Variants in CHD1 observed in about 807,000 individuals in gnomAD.
The protein encoded by CHD1 is chromodomain helicase DNA binding protein 1, also known as ATP-dependent chromatin remodeler CHD1.
CHD1 carries 36 observed loss-of-function variants against 224.2 expected under a neutral mutation model. The ratio of observed to expected loss-of-function variants is 0.16; its 90% CI spans 0.12 to 0.21. CHD1 has a LOEUF of 0.21. CHD1 is among the 10% of genes least tolerant of loss of function. CHD1 has a pLI of 1.00. For synonymous variants in CHD1, 668 were observed against 658.3 expected (o/e 1.01, Z -0.23); for missense variants, 1,378 against 1,994.8 (o/e 0.69, Z 5.89).
intron 2 of CHD1, among the ~76,000 whole-genome samples, chr5:98,912,849 T>C (rs11741156): frequency 2.6e-5 from 4 of 152,208 alleles, no homozygotes; most frequent in Non-Finnish European, 5.9e-5. Flanking sequence ...ATATAACATA[T>C]ACATTTATTT....
intron 32 of CHD1, among the ~76,000 whole-genome samples, chr5:98,861,246 A>G (rs1232917234): frequency 2.0e-5 from 3 of 152,228 alleles, no homozygotes; most frequent in African/African-American, 7.2e-5. Flanking sequence ...GTAAAATGGA[A>G]TAGTAAATAT....
Position 98,854,932 on chromosome 5 carries a change from GAATA to G in CHD1, c.*1444_*1447del, listed in dbSNP as rs1747910330. ...AATATAAAACAAAATAAAAATCTGT[GAATA>G]AATATAAAGCATCCCATAATAATAT... On this transcript the variant is annotated 3_prime_UTR_variant, in exon 36 of 36. Transcript: ENST00000614616. 3 of 152,166 alleles carry G rather than the reference GAATA, an allele frequency of 2.0e-5. No homozygotes were observed. The highest frequency in any genetic ancestry group is 4.1e-4 in the South Asian group (2 of 4,830). The allele number at this position is 152,166 out of a possible 1,614,324, so 9.4% of individuals were successfully genotyped here.
chr5:98,896,499 C>G, intron 11 of CHD1, 57 bp from the exon 12 acceptor site: 1 of 1,160,972 alleles, frequency 8.6e-7, no homozygotes. Flanking sequence ...ACAAAGAAAC[C>G]TTTTTACATC....
chr5:98,878,819 T>C (rs962164487), intron 23 of CHD1, among the ~76,000 whole-genome samples: 1 of 152,072 alleles, frequency 6.6e-6, no homozygotes, highest in Non-Finnish European at 1.5e-5. Flanking sequence ...TTAAGGAAAA[T>C]ATAAAAATAG....
chr5:98,915,918 C>T (rs978934583), intron 2 of CHD1, among the ~76,000 whole-genome samples: 1 of 152,064 alleles, frequency 6.6e-6, no homozygotes, highest in Non-Finnish European at 1.5e-5. Flanking sequence ...TTTGGCTGGG[C>T]GCGGTGGCTC....
chr5:98,874,218 G>C (rs1231745090), intron 25 of CHD1, among the ~76,000 whole-genome samples: 5 of 151,856 alleles, frequency 3.3e-5, no homozygotes, highest in Admixed American at 1.3e-4. Flanking sequence ...TTTTTTAAGA[G>C]TAAAAAAATA....
At chr5:98,876,174 T>C (rs1749735007) in intron 24 of CHD1, among the ~76,000 whole-genome samples, 1 of 152,176 alleles carries the variant, frequency 6.6e-6, no homozygotes, top group Non-Finnish European at 1.5e-5. Flanking sequence ...TTGTGTAGTC[T>C]AAGCAGTTTA....
At chr5:98,905,940 A>G (rs1244812582) in intron 2 of CHD1, among the ~76,000 whole-genome samples, 4 of 152,060 alleles carry the variant, frequency 2.6e-5, no homozygotes, top group Non-Finnish European at 4.4e-5. Context: ...CATATGGTTG[A>G]CTCCGCTTTT....
At chr5:98,887,987 T>C (rs928032148) in intron 17 of CHD1, 101 bp downstream of exon 17, 13 of 674,748 alleles carry the variant, frequency 1.9e-5, no homozygotes, top group African/African-American at 1.9e-4. Context: ...GTACAGTTTA[T>C]ATAAAAACCT....
intron 33 of CHD1, 55 bp downstream of exon 33, chr5:98,859,917 T>G (rs1410636240): frequency 1.1e-6 from 1 of 896,336 alleles, no homozygotes; most frequent in Non-Finnish European, 1.7e-6. Context: ...GTAAAAAGAA[T>G]GTCTCAAGGT....
chr5:98,892,440 GAA>G, intron 15 of CHD1, 83 bp downstream of exon 15: 1 of 910,454 alleles, frequency 1.1e-6, no homozygotes, highest in Non-Finnish European at 1.7e-6. Flanking sequence ...CTATTGTAGA[GAA>G]GGTGGGGGCA....
At chr5:98,915,101 C>T (rs10057320) in intron 2 of CHD1, among the ~76,000 whole-genome samples, 18,944 of 152,130 alleles carry the variant, frequency 0.12, 1,330 homozygotes, top group South Asian at 0.21. Flanking sequence ...CTATATAATA[C>T]ATTTTACATC....
intron 2 of CHD1, 130 bp from the exon 3 acceptor site, chr5:98,905,228 A>C (rs1751965910): frequency 9.6e-7 from 1 of 1,044,724 alleles, no homozygotes; most frequent in Admixed American, 2.8e-5. Flanking sequence ...TTGGCCAAAA[A>C]AAAGAAAAAG....
chr5:98,896,469 G>A (rs369966973), intron 11 of CHD1, 27 bp from the exon 12 acceptor site: 7 of 1,504,412 alleles, frequency 4.7e-6, no homozygotes, highest in Non-Finnish European at 6.4e-6. Flanking sequence ...AAATTAGCAT[G>A]CAAGGAAATA....
chr5:98,900,774 T>C lies in CHD1; in HGVS notation c.859+37A>G, dbSNP rs1751651712. 5.7e-6 allele frequency: 9 copies of C among 1,571,412 alleles called. No homozygotes were observed. In the South Asian group the frequency reaches 1.1e-4, roughly 18 times the overall value. On this transcript the variant is annotated intron_variant, in intron 7 of 35. Transcript: ENST00000614616. ...GCCCTCTACTCCTGTAAATATTATT[T>C]AAATAACCAAACAATAAATGGTTTT... is the stretch of plus-strand genomic sequence containing the variant.
At chr5:98,906,466 TTAACA>T (rs902936819) in intron 2 of CHD1, among the ~76,000 whole-genome samples, 5 of 152,200 alleles carry the variant, frequency 3.3e-5, no homozygotes, top group Admixed American at 2.0e-4. Context: ...TATTTTTCCC[TTAACA>T]TAATAGGTAA....
chr5:98,900,733 C>T (rs989287170), intron 7 of CHD1, 78 bp downstream of exon 7: 43 of 1,264,424 alleles, frequency 3.4e-5, no homozygotes, highest in African/African-American at 1.1e-4. Context: ...ATTACAGGGG[C>T]GACCCACTGT....
intron 3 of CHD1, among the ~76,000 whole-genome samples, 182 bp downstream of exon 3, chr5:98,904,715 T>C (rs1751938354): frequency 1.3e-5 from 2 of 152,224 alleles, no homozygotes; most frequent in African/African-American, 2.4e-5. Flanking sequence ...CGAAAATGCA[T>C]CTATTCCAAG....
At chr5:98,887,532 C>A (rs1318020590) in intron 17 of CHD1, among the ~76,000 whole-genome samples, 1 of 152,094 alleles carries the variant, frequency 6.6e-6, no homozygotes, top group Non-Finnish European at 1.5e-5. Flanking sequence ...CTGAAAACAG[C>A]ACCTGACTTT....
Sources: allele counts gnomAD v4.1 joint callset (sites outside exome capture counted in the v4.1 genomes callset), GRCh38; gene constraint gnomAD v4.1.1; transcripts MANE v1.5; gene names NCBI Gene and HGNC (gene_info 2026-07-23, HGNC 2026-07-21).